Variants in KLHL25 observed in about 807,000 individuals in gnomAD.
The protein encoded by KLHL25 is kelch-like protein 25.
In KLHL25, 41 loss-of-function variants were observed where a neutral mutation model predicts 30.0. The observed-to-expected ratio is 1.37, with a 90% confidence interval of 1.07 to 1.78. The LOEUF is 1.78. Among genes scored for constraint, KLHL25 ranks in the 40% most tolerant of loss-of-function variants. The pLI, the probability that KLHL25 is intolerant of heterozygous loss-of-function variation, is 0.00. For missense variants in KLHL25, 971 were observed against 824.5 expected, an observed-to-expected ratio of 1.18 and a Z score of -2.18; for synonymous variants, 399 against 355.3, an observed-to-expected ratio of 1.12 and a Z score of -1.38.
At chr15:85,772,373 G>A (rs868585527) in intron 1 of KLHL25, among the ~76,000 whole-genome samples, 2 of 152,032 alleles carry the variant, frequency 1.3e-5, no homozygotes, top group Admixed American at 6.5e-5. Flanking sequence ...GCACCTCATC[G>A]CACCTGCCCC....
rs140799870 is a variant in KLHL25, at chr15:85,778,793, C to T, written c.-10-8973G>A. 1.1e-3 allele frequency among the ~76,000 whole-genome samples: 169 copies of T among 152,306 alleles called. 2 individuals carry two copies. The highest frequency in any genetic ancestry group is 3.7e-3 in the African/African-American group (155 of 41,572). ...CCCAGCACCAGGACACTGTCCTCTC[C>T]GTCTACCCCTTAAGCAGTCCTTCTC... On this transcript the variant is annotated intron_variant, in intron 1 of 2. Transcript: ENST00000337975.
rs1049400965 is a variant in KLHL25 at position 85,769,703 on chromosome 15, G to C, written c.108C>G (p.Leu36=). The C allele has an allele frequency of 5.8e-5, 94 of 1,613,890 alleles. No individual in the cohort carries two copies. Among genetic ancestry groups the C allele is most frequent in the Non-Finnish European group, 7.1e-5 (84 of 1,180,044 alleles). The change falls in exon 2 of 3, where the codon CTC becomes CTG. Residue 36 remains leucine (L), a synonymous_variant. Transcript: ENST00000337975. The part of the protein sequence containing the change: ...ASHPDCVLAH[L]NTLRKHCMFT... ...ACATGCAGTGCTTGCGAAGCGTGTT[G>C]AGGTGGGCCAGCACACAGTCCGGGT...
Position 85,769,695 on chromosome 15 carries a change from A to T in KLHL25, c.116T>A (p.Leu39His), listed in dbSNP as rs773161286. ...PDCVLAHLNT[L>H]RKHCMFTDVT... ...GTCGGTGAACATGCAGTGCTTGCGA[A>T]GCGTGTTGAGGTGGGCCAGCACACA... is the stretch of plus-strand genomic sequence containing the variant. Residue 39 changes from leucine (L) to histidine (H), a missense_variant, in exon 2 of 3, where the codon CTT becomes CAT. Physicochemically the swap from Leu to His is moderately conservative, Grantham distance 99. Coordinates refer to ENST00000337975, the MANE Select transcript of KLHL25 (RefSeq NM_022480.4). 2 of 1,613,934 alleles carry T rather than the reference A, an allele frequency of 1.2e-6. No homozygotes were observed. Among genetic ancestry groups the T allele is most frequent in the Non-Finnish European group, 8.5e-7 (1 of 1,180,020 alleles).
intron 1 of KLHL25, among the ~76,000 whole-genome samples, chr15:85,788,494 C>G (rs1441947946): frequency 6.6e-6 from 1 of 152,118 alleles, no homozygotes; most frequent in Non-Finnish European, 1.5e-5. Context: ...CCACTGAATC[C>G]CAGAGCCCGG....
chr15:85,785,028 G>A (rs1027608823), intron 1 of KLHL25, among the ~76,000 whole-genome samples: 62 of 151,796 alleles, frequency 4.1e-4, no homozygotes, highest in African/African-American at 1.4e-3. Context: ...GACAACTCAC[G>A]CTTTCTGCAT....
intron 1 of KLHL25, among the ~76,000 whole-genome samples, chr15:85,788,937 G>A (rs2089798784): frequency 6.6e-6 from 1 of 152,184 alleles, no homozygotes; most frequent in Non-Finnish European, 1.5e-5. Context: ...TAGAAAAAGA[G>A]CTCCTCCATC....
chr15:85,791,089 G>A (rs2089813274), intron 1 of KLHL25, among the ~76,000 whole-genome samples: 1 of 149,976 alleles, frequency 6.7e-6, no homozygotes, highest in Admixed American at 6.7e-5. Flanking sequence ...CCCAGCTACT[G>A]GGGAAGCTGA....
chr15:85,781,122 G>A (rs572940728), intron 1 of KLHL25, among the ~76,000 whole-genome samples: 5 of 152,274 alleles, frequency 3.3e-5, no homozygotes, highest in African/African-American at 1.2e-4. Flanking sequence ...ATCACCTGAG[G>A]TCAGGAGTTC....
At chr15:85,773,292 C>T (rs991321390) in intron 1 of KLHL25, among the ~76,000 whole-genome samples, 9 of 152,050 alleles carry the variant, frequency 5.9e-5, no homozygotes, top group Admixed American at 3.9e-4. Context: ...ACACAGCACA[C>T]GAAACTCATT....
intron 1 of KLHL25, among the ~76,000 whole-genome samples, chr15:85,782,993 C>G (rs2089754592): frequency 6.6e-6 from 1 of 152,172 alleles, no homozygotes; most frequent in Non-Finnish European, 1.5e-5. Flanking sequence ...GAGAAAGAAT[C>G]AAAATGATCC....
In KLHL25 at chr15:85,789,987, TCA is replaced by T. The variant is rs2089806225; in HGVS notation, c.-11+4777_-11+4778del. Among the ~76,000 whole-genome samples, 1 of 152,188 alleles carries T rather than the reference TCA, an allele frequency of 6.6e-6. No individual in the cohort carries two copies. Among genetic ancestry groups the T allele is most frequent in the African/African-American group, 2.4e-5 (1 of 41,444 alleles). On this transcript the variant is annotated intron_variant, in intron 1 of 2. Transcript: ENST00000337975. The surrounding 1 kb of genome is among the most constrained non-coding windows in gnomAD (Gnocchi z 4.1). ...TAGGAGCTTGCCTACGTCACCCCTC[TCA>T]CTCTACAGGTGAAAAAACTAGATCC...
intron 1 of KLHL25, among the ~76,000 whole-genome samples, chr15:85,778,583 G>A (rs560772937): frequency 6.6e-6 from 1 of 152,190 alleles, no homozygotes; most frequent in Non-Finnish European, 1.5e-5. Context: ...GCTACGCAAG[G>A]AGTGGGGGCA....
intron 1 of KLHL25, among the ~76,000 whole-genome samples, chr15:85,777,547 C>T (rs1029928468): frequency 1.3e-5 from 2 of 152,238 alleles, no homozygotes; most frequent in Non-Finnish European, 2.9e-5. Flanking sequence ...GTGCCTTCTC[C>T]ACATGCTCCA....
At chr15:85,785,100 T>C (rs1399709384) in intron 1 of KLHL25, among the ~76,000 whole-genome samples, 2 of 151,044 alleles carry the variant, frequency 1.3e-5, no homozygotes, top group Non-Finnish European at 3.0e-5. Flanking sequence ...TTTTCTTTTT[T>C]TTTTTTTTTC....
At chr15:85,792,920 T>A (rs1247542830) in intron 1 of KLHL25, among the ~76,000 whole-genome samples, 1 of 152,116 alleles carries the variant, frequency 6.6e-6, no homozygotes, top group Non-Finnish European at 1.5e-5. Context: ...ATCTAGGTGC[T>A]CACTAAAGGA....
intron 1 of KLHL25, among the ~76,000 whole-genome samples, chr15:85,790,111 C>G (rs117581481): frequency 6.6e-6 from 1 of 152,110 alleles, no homozygotes; most frequent in Non-Finnish European, 1.5e-5. Context: ...GTTGTTGAGA[C>G]GGAGTTTCGC....
intron 1 of KLHL25, among the ~76,000 whole-genome samples, chr15:85,792,958 T>C (rs568353283): frequency 1.3e-4 from 20 of 152,314 alleles, no homozygotes; most frequent in African/African-American, 4.8e-4. Flanking sequence ...ACTCAGGGCC[T>C]GGCACACAGC....
Position 85,769,016 on chromosome 15 carries a change from G to T in KLHL25, c.795C>A (p.Ile265=), listed in dbSNP as rs1274434631. Residue 265 remains isoleucine, a synonymous_variant, in exon 2 of 3, where the codon ATC becomes ATA. Coordinates refer to ENST00000337975, the MANE Select transcript of KLHL25 (RefSeq NM_022480.4). ...TCTTGCAGCGCAGGGCCTCATCCATGATAAGCTTGGTGCGCTCGTCTGCCA... is the reference window on the plus strand; with the variant it reads ...TCTTGCAGCGCAGGGCCTCATCCATTATAAGCTTGGTGCGCTCGTCTGCCA... ...LLMADERTKL[I]MDEALRCKTR... is the part of the protein sequence containing the mutation. 6.2e-7 allele frequency: 1 copy of T among 1,611,078 alleles called. No individual in the cohort carries two copies. The highest frequency in any genetic ancestry group is 1.3e-5 in the African/African-American group (1 of 75,056).
intron 1 of KLHL25, among the ~76,000 whole-genome samples, chr15:85,790,259 C>T (rs1319796264): frequency 4.6e-5 from 7 of 152,160 alleles, no homozygotes; most frequent in African/African-American, 1.4e-4. Context: ...CAGCTAATTT[C>T]GTATTTTTAG....
Sources: gnomAD v4.1 joint callset for allele counts (sites outside exome capture counted in the v4.1 genomes callset) on GRCh38, gnomAD v4.1.1 for gene constraint, Gnocchi (gnomAD v3.1) non-coding constraint, MANE v1.5 for transcripts, NCBI Gene and HGNC (gene_info 2026-07-23, HGNC 2026-07-21) for gene names.